Variants in KANK1 observed in about 807,000 individuals in gnomAD.
KANK1 encodes the protein KN motif and ankyrin repeat domains 1, also known as KN motif and ankyrin repeat domain-containing protein 1.
A neutral mutation model predicts 106.2 loss-of-function variants in KANK1; 109 were observed. The observed-to-expected ratio is 1.03, with a 90% CI of 0.88 to 1.20. KANK1 has a LOEUF of 1.20. Ranked by LOEUF, KANK1 falls within the 50% of genes most tolerant of loss-of-function variation. The pLI is 0.00. For missense variants in KANK1, 2,399 were observed against 1,710.7 expected (o/e 1.40, Z -7.10); for synonymous variants, 873 against 652.2 (o/e 1.34, Z -5.16).
chr9:694,410 C>A (rs928296834), intron 2 of KANK1, among the ~76,000 whole-genome samples: 2 of 152,314 alleles, frequency 1.3e-5, no homozygotes, highest in African/African-American at 4.8e-5. Context: ...CAAGCTCATT[C>A]TCTTCTGTGC....
intron 1 of KANK1, among the ~76,000 whole-genome samples, chr9:605,390 C>A (rs7037634): frequency 0.021 from 3,246 of 151,534 alleles, 195 homozygotes; most frequent in African/African-American, 0.074. Flanking sequence ...ATATGTTAAG[C>A]TCTGAATTCA....
At chr9:610,769 A>C (rs1165091703) in intron 1 of KANK1, among the ~76,000 whole-genome samples, 2 of 152,122 alleles carry the variant, frequency 1.3e-5, no homozygotes, top group African/African-American at 2.4e-5. Context: ...TTAGACTTGC[A>C]CATCTGTGAC....
chr9:744,122 A>G (rs2132368901), intron 10 of KANK1, among the ~76,000 whole-genome samples: 1 of 152,258 alleles, frequency 6.6e-6, no homozygotes, highest in African/African-American at 2.4e-5. Context: ...AGGAAAGGTA[A>G]AAGATCTTTG....
intron 3 of KANK1, among the ~76,000 whole-genome samples, chr9:486,425 T>C (rs2058294019): frequency 6.6e-6 from 1 of 152,222 alleles, no homozygotes. Context: ...GAGTACGTAC[T>C]GTATAAATAT....
At chr9:521,283 T>A (rs922617090) in intron 1 of KANK1, among the ~76,000 whole-genome samples, 11 of 151,660 alleles carry the variant, frequency 7.3e-5, no homozygotes, top group African/African-American at 2.7e-4. Flanking sequence ...ACCCTCACAC[T>A]CCTTTTTATG....
At chr9:541,948 G>A (rs2060627722) in intron 1 of KANK1, among the ~76,000 whole-genome samples, 1 of 151,232 alleles carries the variant, frequency 6.6e-6, no homozygotes, top group Non-Finnish European at 1.5e-5. Context: ...AATTAGCCGG[G>A]CGTGGTAGCG....
rs537757297 is a variant in KANK1, at chr9:508,080, C to T, written c.-84+3326C>T. 4.0e-5 allele frequency among the ~76,000 whole-genome samples: 6 copies of T among 150,072 alleles called. No individual in the cohort carries two copies. In the East Asian group the frequency reaches 1.2e-3, roughly 29 times the overall value. ...CAGGTTATCCATCCGCCTCTGCCTCCCAAAGTGTTGGGATTACAGGTGTGA... is the reference window on the plus strand; with the variant it reads ...CAGGTTATCCATCCGCCTCTGCCTCTCAAAGTGTTGGGATTACAGGTGTGA... On this transcript the variant is annotated intron_variant, in intron 1 of 11. Transcript: ENST00000382297.
At chr9:744,457 C>G in intron 10 of KANK1, 34 bp from the exon 11 acceptor site, 1 of 1,592,526 alleles carries the variant, frequency 6.3e-7, no homozygotes, top group Non-Finnish European at 8.6e-7. Context: ...TTTGAGAAAC[C>G]CAACATGGCT....
rs886788140 is a variant in KANK1 at position 592,256 on chromosome 9, A to G, written c.-83-84634A>G. 4.0e-5 allele frequency among the ~76,000 whole-genome samples: 6 copies of G among 151,892 alleles called. 1 individual carries two copies. The highest frequency in any genetic ancestry group is 1.5e-4 in the African/African-American group (6 of 41,154). ...AGGGGATGTAAAGGAATTGATCTAG[A>G]TAAGTTAGTTTACTTAGGCCTCAGA... On this transcript the variant is annotated intron_variant, in intron 1 of 11. Transcript: ENST00000382297.
At chr9:492,053 G>A (rs1190819281) in intron 3 of KANK1, 1 of 152,212 alleles carries the variant, frequency 6.6e-6, no homozygotes, top group African/African-American at 2.4e-5. Context: ...TTTATCAACA[G>A]TGTGAAAACA....
intron 1 of KANK1, 106 bp from the exon 2 acceptor site, chr9:676,784 G>T (rs182688857): frequency 2.3e-5 from 12 of 531,292 alleles, no homozygotes; most frequent in South Asian, 1.9e-4. Flanking sequence ...CCCCCATTCC[G>T]ATTTCCTTTC....
chr9:725,283 A>C (rs1265266220), intron 3 of KANK1, among the ~76,000 whole-genome samples: 3 of 152,150 alleles, frequency 2.0e-5, no homozygotes, highest in Non-Finnish European at 2.9e-5. Context: ...CCTTGAGGTC[A>C]GGAGTTTGAG....
chr9:736,645 C>T (rs1833871512), intron 7 of KANK1, among the ~76,000 whole-genome samples: 1 of 151,838 alleles, frequency 6.6e-6, no homozygotes, highest in Admixed American at 6.6e-5. Flanking sequence ...GGCTGCAGTG[C>T]TCCATCATCA....
chr9:606,896 G>A (rs569444855), intron 1 of KANK1, among the ~76,000 whole-genome samples: 3 of 151,748 alleles, frequency 2.0e-5, no homozygotes, highest in African/African-American at 4.9e-5. Context: ...CTCTCAGAAG[G>A]TTTAGAATGA....
intron 1 of KANK1, among the ~76,000 whole-genome samples, chr9:516,267 C>T (rs1268503306): frequency 6.6e-6 from 1 of 151,518 alleles, no homozygotes; most frequent in Non-Finnish European, 1.5e-5. Flanking sequence ...AGACACCAAA[C>T]TTTTAACTCC....
chr9:744,767 A>ATGTT, intron 11 of KANK1, 178 bp downstream of exon 11: 1 of 1,494,398 alleles, frequency 6.7e-7, no homozygotes, highest in Non-Finnish European at 8.9e-7. Flanking sequence ...AGGAGAACTA[A>ATGTT]TGTTTTAGCA....
chr9:641,941 C>G (rs1292161067), intron 1 of KANK1, among the ~76,000 whole-genome samples: 3 of 152,020 alleles, frequency 2.0e-5, no homozygotes. Flanking sequence ...TTCATCACCC[C>G]AAAAAAGAAA....
intron 1 of KANK1, among the ~76,000 whole-genome samples, chr9:550,641 G>C (rs1027383796): frequency 7.2e-5 from 11 of 152,172 alleles, no homozygotes; most frequent in African/African-American, 2.4e-4. Context: ...TTGTCAGAAA[G>C]TGATTTGTTC....
intron 1 of KANK1, chr9:673,751 C>A (rs1815779976): frequency 6.6e-6 from 1 of 152,052 alleles, no homozygotes; most frequent in Non-Finnish European, 1.5e-5. Flanking sequence ...ACACATACTT[C>A]ATTCACCCCT....
Sources: allele counts gnomAD v4.1 joint callset (sites outside exome capture counted in the v4.1 genomes callset), GRCh38; gene constraint gnomAD v4.1.1; transcripts MANE v1.5; gene names NCBI Gene and HGNC (gene_info 2026-07-23, HGNC 2026-07-21).